CADM2: variants seen among roughly 807,000 people sequenced by gnomAD.
CADM2 encodes the protein immunoglobulin superfamily member 4D.
Under a neutral mutation model 49.8 loss-of-function variants are expected in CADM2, and 12 were observed. That is an observed-to-expected ratio of 0.24 (90% CI 0.15 to 0.39). The LOEUF is 0.39. Among genes scored for constraint, CADM2 ranks in the 10% least tolerant of loss-of-function variants. The pLI, the probability that CADM2 is intolerant of heterozygous loss-of-function variation, is 1.00. For missense variants in CADM2, 378 were observed against 492.3 expected (o/e 0.77, Z 2.20); for synonymous variants, 214 against 175.4 (o/e 1.22, Z -1.74).
At chr3:85,365,757 T>G (rs1403263891) in intron 1 of CADM2, among the ~76,000 whole-genome samples, 1 of 152,204 alleles carries the variant, frequency 6.6e-6, no homozygotes, top group African/African-American at 2.4e-5. Context: ...GAATATCCAC[T>G]AAAATGTGTA....
At chr3:85,721,560 AG>A (rs1399777813) in intron 1 of CADM2, among the ~76,000 whole-genome samples, 1 of 152,160 alleles carries the variant, frequency 6.6e-6, no homozygotes, top group African/African-American at 2.4e-5. Context: ...CAGACATGCC[AG>A]GTGCTCCAGC....
rs75993902 is a variant in CADM2 at position 85,668,361 on chromosome 3, C to G, written c.62-58161C>G. On this transcript the variant is annotated intron_variant, in intron 1 of 9. Transcript: ENST00000383699. ...AAACAAAAAAACACCTCAAATAAAT[C>G]TAGTGTTTGGAAATAATAAATACAT... Among the ~76,000 whole-genome samples the G allele has an allele frequency of 8.7e-3, 1,283 of 146,788 alleles. 10 individuals are homozygous for G. The highest frequency in any genetic ancestry group is 0.014 in the Non-Finnish European group (945 of 66,778).
intron 1 of CADM2, among the ~76,000 whole-genome samples, chr3:85,127,275 A>G (rs186589777): frequency 6.6e-6 from 1 of 152,226 alleles, no homozygotes; most frequent in East Asian, 1.9e-4. Context: ...CTTCAATGGA[A>G]TAATAGACCT....
rs556693795 is a variant in CADM2 at position 85,652,634 on chromosome 3, G to A, written c.62-73888G>A. On this transcript the variant is annotated intron_variant, in intron 1 of 9. Coordinates refer to ENST00000383699, the MANE Select transcript of CADM2 (RefSeq NM_001167675.2). ...TGGTCATGGAATAGCAAAGAGATTA[G>A]AGTCTGGAACAGAATGTGTGGTGGG... Among the ~76,000 whole-genome samples, 48 of 152,200 alleles carry A rather than the reference G, an allele frequency of 3.2e-4. No individual in the cohort carries two copies. In the South Asian group the frequency reaches 7.7e-3, roughly 24 times the overall value.
At chr3:85,863,892 T>C (rs2075628946) in intron 3 of CADM2, among the ~76,000 whole-genome samples, 1 of 152,166 alleles carries the variant, frequency 6.6e-6, no homozygotes. Context: ...AATGAAATGT[T>C]CTGGTTGCAT....
intron 2 of CADM2, among the ~76,000 whole-genome samples, chr3:85,774,733 T>A (rs575002598): frequency 1.3e-5 from 2 of 151,858 alleles, no homozygotes; most frequent in African/African-American, 4.8e-5. Flanking sequence ...ATAGGTCACC[T>A]AAATTAAGTT....
chr3:85,700,610 G>C (rs1469025423), intron 1 of CADM2, among the ~76,000 whole-genome samples: 2 of 152,132 alleles, frequency 1.3e-5, no homozygotes, highest in African/African-American at 4.8e-5. Flanking sequence ...TATTCTGCCA[G>C]ATACCCTAAA....
chr3:85,606,763 A>G (rs535971875), intron 1 of CADM2, among the ~76,000 whole-genome samples: 2 of 152,230 alleles, frequency 1.3e-5, no homozygotes, highest in South Asian at 2.1e-4. Flanking sequence ...AAGTAATGGA[A>G]GCGAGTGGAA....
intron 1 of CADM2, among the ~76,000 whole-genome samples, chr3:85,320,139 C>T (rs182886795): frequency 6.6e-6 from 1 of 152,258 alleles, no homozygotes; most frequent in African/African-American, 2.4e-5. Flanking sequence ...GTTTTATTGT[C>T]ATAATTGAGG....
chr3:85,777,351 G>T (rs2070408459), intron 2 of CADM2, among the ~76,000 whole-genome samples: 1 of 151,936 alleles, frequency 6.6e-6, no homozygotes, highest in African/African-American at 2.4e-5. Context: ...CGCCTCCCGG[G>T]TTCAAGCAAT....
chr3:85,221,537 G>A (rs2042044160), intron 1 of CADM2, among the ~76,000 whole-genome samples: 1 of 152,042 alleles, frequency 6.6e-6, no homozygotes, highest in African/African-American at 2.4e-5. Flanking sequence ...GCTAATAGTA[G>A]GGAAAATTCT....
At chr3:85,646,721 C>G (rs971994594) in intron 1 of CADM2, among the ~76,000 whole-genome samples, 2 of 151,880 alleles carry the variant, frequency 1.3e-5, no homozygotes, top group African/African-American at 4.8e-5. Context: ...TCTCAAATCG[C>G]AGCATAGAGG....
At chr3:85,296,901 T>A (rs1490090289) in intron 1 of CADM2, among the ~76,000 whole-genome samples, 2 of 152,092 alleles carry the variant, frequency 1.3e-5, no homozygotes, top group Non-Finnish European at 2.9e-5. Flanking sequence ...TATTTCTAGT[T>A]TCTCAGCTAA....
At chr3:85,035,083 G>C (rs141265950) in intron 1 of CADM2, among the ~76,000 whole-genome samples, 101 of 152,170 alleles carry the variant, frequency 6.6e-4, no homozygotes, top group Middle Eastern at 6.8e-3. Context: ...TTACAGGCAT[G>C]AGCCACCATG....
intron 2 of CADM2, among the ~76,000 whole-genome samples, chr3:85,781,867 G>A (rs1226187253): frequency 1.3e-5 from 2 of 152,144 alleles, no homozygotes; most frequent in African/African-American, 4.8e-5. Flanking sequence ...AAGAAAAACT[G>A]TAAAATGTTT....
chr3:85,642,107 A>G (rs1260563823), intron 1 of CADM2, among the ~76,000 whole-genome samples: 3 of 152,128 alleles, frequency 2.0e-5, no homozygotes, highest in African/African-American at 4.8e-5. Flanking sequence ...GCCAGATATA[A>G]TGGGAGGCCA....
chr3:85,607,444 G>T (rs1215240508), intron 1 of CADM2, among the ~76,000 whole-genome samples: 1 of 151,940 alleles, frequency 6.6e-6, no homozygotes, highest in Non-Finnish European at 1.5e-5. Flanking sequence ...GAGAATCACA[G>T]GAATTTTGAA....
intron 1 of CADM2, among the ~76,000 whole-genome samples, chr3:85,410,211 C>A (rs545313444): frequency 6.6e-6 from 1 of 152,314 alleles, no homozygotes; most frequent in East Asian, 1.9e-4. Flanking sequence ...TATTCATATG[C>A]ATATCGCCAC....
chr3:85,009,735 G>A (rs1447733265), intron 1 of CADM2, among the ~76,000 whole-genome samples: 7 of 151,778 alleles, frequency 4.6e-5, no homozygotes, highest in African/African-American at 1.2e-4. Flanking sequence ...GTGTGGCAGC[G>A]TGCACCTGTA....
Sources: allele counts gnomAD v4.1 joint callset (sites outside exome capture counted in the v4.1 genomes callset), GRCh38; gene constraint gnomAD v4.1.1; transcripts MANE v1.5; gene names NCBI Gene and HGNC (gene_info 2026-07-23, HGNC 2026-07-21).